CAMTA1: variants seen among roughly 807,000 people sequenced by gnomAD.
The protein encoded by CAMTA1 is calmodulin binding transcription activator 1.
In CAMTA1, 27 loss-of-function variants were observed where a neutral mutation model predicts 170.9. The ratio of observed to expected loss-of-function variants is 0.16; its 90% confidence interval spans 0.12 to 0.22. The LOEUF (loss-of-function observed/expected upper bound fraction) is 0.22, where lower values mean the gene tolerates loss of function less well. Among genes scored for constraint, CAMTA1 ranks in the 10% least tolerant of loss-of-function variants. The pLI is 1.00. For synonymous variants in CAMTA1, 833 were observed against 891.5 expected, an observed-to-expected ratio of 0.93 and a Z score of 1.17; for missense variants, 1,619 against 2,217.2, an observed-to-expected ratio of 0.73 and a Z score of 5.42.
At chr1:7,339,138 A>G (rs906617907) in intron 5 of CAMTA1, among the ~76,000 whole-genome samples, 3 of 152,226 alleles carry the variant, frequency 2.0e-5, no homozygotes, top group Non-Finnish European at 2.9e-5. Flanking sequence ...AGATTTGTTC[A>G]GGGACACAGA....
intron 4 of CAMTA1, among the ~76,000 whole-genome samples, chr1:7,170,749 A>G (rs2148822635): frequency 1.3e-5 from 2 of 152,298 alleles, no homozygotes; most frequent in Non-Finnish European, 2.9e-5. Context: ...AGTCTAAAAC[A>G]TATTTCTTAA....
intron 6 of CAMTA1, among the ~76,000 whole-genome samples, chr1:7,502,364 C>T (rs558010988): frequency 6.6e-6 from 1 of 152,306 alleles, no homozygotes; most frequent in South Asian, 2.1e-4. Context: ...TCTAATACAG[C>T]CTAGGCAGGA....
At chr1:7,754,386 T>A (rs1217245751) in intron 21 of CAMTA1, among the ~76,000 whole-genome samples, 1 of 152,210 alleles carries the variant, frequency 6.6e-6, no homozygotes, top group Non-Finnish European at 1.5e-5. Context: ...TGAATGAATG[T>A]GTGGGTAACG....
intron 5 of CAMTA1, among the ~76,000 whole-genome samples, chr1:7,353,581 C>T (rs770293231): frequency 6.6e-6 from 1 of 151,858 alleles, no homozygotes; most frequent in Non-Finnish European, 1.5e-5. Flanking sequence ...CACACCACCA[C>T]ACCCAGCTAA....
At chr1:7,410,901 G>C (rs879402975) in intron 5 of CAMTA1, among the ~76,000 whole-genome samples, 1 of 10,556 alleles carries the variant, frequency 9.5e-5, no homozygotes, top group Admixed American at 5.5e-4. Flanking sequence ...GGGCGTCTGT[G>C]TGTGTGTGTG....
At chr1:7,104,004 A>G (rs1643237218) in intron 4 of CAMTA1, among the ~76,000 whole-genome samples, 1 of 150,810 alleles carries the variant, frequency 6.6e-6, no homozygotes, top group African/African-American at 2.5e-5. Context: ...ACATGAACAC[A>G]ACACACTACA....
intron 3 of CAMTA1, among the ~76,000 whole-genome samples, chr1:6,842,322 G>A (rs75794800): frequency 1.3e-5 from 2 of 152,300 alleles, no homozygotes; most frequent in South Asian, 2.1e-4. Context: ...CGCCCTCGCC[G>A]TGAGGCTCAG....
chr1:7,115,934 G>A lies in CAMTA1; in HGVS notation c.302+24563G>A, dbSNP rs116547253. On this transcript the variant is annotated intron_variant, in intron 4 of 22. Transcript: ENST00000303635. ...GAGGGCAACCTTCTTTACTCACTCTGCTGATTCAAATGTTAATCTCATTTA... is the reference window on the plus strand; with the variant it reads ...GAGGGCAACCTTCTTTACTCACTCTACTGATTCAAATGTTAATCTCATTTA... Among the ~76,000 whole-genome samples, 460 of 152,204 alleles carry A rather than the reference G, an allele frequency of 3.0e-3. 1 individual carries two copies. Among genetic ancestry groups the A allele is most frequent in the African/African-American group, 0.011 (437 of 41,482 alleles).
At chr1:7,236,352 A>G (rs1663856257) in intron 4 of CAMTA1, among the ~76,000 whole-genome samples, 1 of 152,234 alleles carries the variant, frequency 6.6e-6, no homozygotes. Flanking sequence ...CCCTTGCAAC[A>G]AAAGGAAGAA....
chr1:7,365,590 G>A (rs1217960583), intron 5 of CAMTA1, among the ~76,000 whole-genome samples: 2 of 152,328 alleles, frequency 1.3e-5, no homozygotes, highest in South Asian at 2.1e-4. Flanking sequence ...CTCTGCAGAA[G>A]TAGAGACACC....
intron 4 of CAMTA1, among the ~76,000 whole-genome samples, chr1:7,167,387 A>G (rs1215857150): frequency 6.6e-6 from 1 of 152,114 alleles, no homozygotes; most frequent in East Asian, 1.9e-4. Context: ...GTCTTATGTC[A>G]AGTAGCTGCC....
intron 5 of CAMTA1, among the ~76,000 whole-genome samples, chr1:7,276,873 A>G (rs1670804610): frequency 6.6e-6 from 1 of 152,274 alleles, no homozygotes; most frequent in Non-Finnish European, 1.5e-5. Context: ...TAGGAAGGCC[A>G]AAGGAACAAG....
intron 3 of CAMTA1, among the ~76,000 whole-genome samples, chr1:7,029,532 C>G (rs1702510931): frequency 6.7e-6 from 1 of 149,972 alleles, no homozygotes; most frequent in African/African-American, 2.5e-5. Context: ...CTCTACTGGT[C>G]AGCTGCATTG....
At chr1:7,147,083 A>C (rs1646241464) in intron 4 of CAMTA1, among the ~76,000 whole-genome samples, 1 of 151,370 alleles carries the variant, frequency 6.6e-6, no homozygotes, top group Non-Finnish European at 1.5e-5. Context: ...GCACACAAAA[A>C]CACACTCATG....
intron 5 of CAMTA1, among the ~76,000 whole-genome samples, chr1:7,408,704 G>A (rs760958362): frequency 1.8e-4 from 27 of 152,344 alleles, no homozygotes; most frequent in South Asian, 6.2e-4. Flanking sequence ...AGCCCTGGGC[G>A]CCAGGCGGCC....
At chr1:7,575,734 G>A (rs760658620) in intron 6 of CAMTA1, among the ~76,000 whole-genome samples, 1 of 151,942 alleles carries the variant, frequency 6.6e-6, no homozygotes, top group Non-Finnish European at 1.5e-5. Context: ...GTGTAGGCAG[G>A]GAAAGATGAG....
chr1:7,043,409 G>A (rs1704806718), intron 3 of CAMTA1, among the ~76,000 whole-genome samples: 1 of 152,164 alleles, frequency 6.6e-6, no homozygotes. Flanking sequence ...CGTCAGGTGG[G>A]GTCAGTAATA....
intron 3 of CAMTA1, among the ~76,000 whole-genome samples, chr1:6,940,033 T>C (rs990153715): frequency 6.6e-5 from 10 of 152,280 alleles, no homozygotes; most frequent in Non-Finnish European, 1.3e-4. Flanking sequence ...AATGCCAGCA[T>C]ATCCGTGTCT....
chr1:6,898,135 A>G (rs191923021), intron 3 of CAMTA1, among the ~76,000 whole-genome samples: 1 of 152,306 alleles, frequency 6.6e-6, no homozygotes, highest in East Asian at 1.9e-4. Context: ...ATTTCTTAAA[A>G]TTGGTTGAGG....
Sources: gnomAD v4.1 joint callset for allele counts (sites outside exome capture counted in the v4.1 genomes callset) on GRCh38, gnomAD v4.1.1 for gene constraint, MANE v1.5 for transcripts, NCBI Gene and HGNC (gene_info 2026-07-23, HGNC 2026-07-21) for gene names.